RAPGEF1: variants seen among roughly 807,000 people sequenced by gnomAD.
RAPGEF1 encodes the protein Rap guanine nucleotide exchange factor 1, also known as CRK SH3-binding GNRP.
RAPGEF1 carries 33 observed loss-of-function variants against 143.3 expected under a neutral mutation model. That is an observed-to-expected ratio of 0.23 (90% CI 0.17 to 0.31). The LOEUF (loss-of-function observed/expected upper bound fraction) is 0.31, where lower values mean the gene tolerates loss of function less well. RAPGEF1 is among the 10% of genes least tolerant of loss of function. RAPGEF1 has a pLI of 1.00. For synonymous variants in RAPGEF1, 629 were observed against 676.5 expected (o/e 0.93, Z 1.09); for missense variants, 1,199 against 1,645.4 (o/e 0.73, Z 4.69).
intron 6 of RAPGEF1, 129 bp from the exon 7 acceptor site, chr9:131,629,383 C>T (rs913242589): frequency 3.0e-5 from 28 of 938,362 alleles, no homozygotes; most frequent in Admixed American, 1.9e-4. Context: ...GAGCAGGCTC[C>T]CTGGATATAG....
rs535585511 is a variant in RAPGEF1, at chr9:131,645,756, C to T, written c.316-2339G>A. 1.7e-3 allele frequency among the ~76,000 whole-genome samples: 261 copies of T among 152,316 alleles called. 1 individual carries two copies. Among genetic ancestry groups the T allele is most frequent in the African/African-American group, 5.9e-3 (246 of 41,574 alleles). On this transcript the variant is annotated intron_variant, in intron 3 of 26. Transcript: ENST00000683357. Reference sequence around the variant, plus strand: ...CATAACCCGAGGGCAGGTGCGTTCACCTGCGCACCCCTCCTGCTGTGGGGG... The same window carrying T: ...CATAACCCGAGGGCAGGTGCGTTCATCTGCGCACCCCTCCTGCTGTGGGGG...
Position 131,638,744 on chromosome 9 carries a change from T to A in RAPGEF1, c.542A>T (p.Asn181Ile). The change falls in exon 5 of 27, where the codon AAC becomes ATC. Residue 181 changes from asparagine (N) to isoleucine (I), a missense_variant. Physicochemically the swap from Asn to Ile is moderately radical, Grantham distance 149. This residue lies in a region of RAPGEF1 where 613 missense variants were observed against 710.9 expected (regional missense o/e 0.86). Coordinates refer to ENST00000683357, the MANE Select transcript of RAPGEF1 (RefSeq NM_001377935.1). ...CACTTGGTCAGACCAGCGAATGAGG[T>A]TGGCGAGGCTTTGGTACACTCGGCT... ...CYSRVYQSLA[N>I]LIRWSDQVML... 1 of 1,613,988 alleles carries A rather than the reference T, an allele frequency of 6.2e-7. No homozygotes were observed. Among genetic ancestry groups the A allele is most frequent in the Non-Finnish European group, 8.5e-7 (1 of 1,179,894 alleles).
chr9:131,738,826 T>G (rs1008179358), intron 1 of RAPGEF1, among the ~76,000 whole-genome samples: 1 of 152,136 alleles, frequency 6.6e-6, no homozygotes, highest in Non-Finnish European at 1.5e-5. Flanking sequence ...TATCCCAGAT[T>G]CAACCCAGGA....
chr9:131,589,835 G>T, intron 19 of RAPGEF1, 51 bp downstream of exon 19: 1 of 1,525,074 alleles, frequency 6.6e-7, no homozygotes, highest in Non-Finnish European at 9.1e-7. Flanking sequence ...AGGTGGAATG[G>T]AGCCTTTGCC....
At chr9:131,600,157 T>C (rs1322860599) in intron 15 of RAPGEF1, among the ~76,000 whole-genome samples, 1 of 152,026 alleles carries the variant, frequency 6.6e-6, no homozygotes, top group African/African-American at 2.4e-5. Flanking sequence ...AGAATATGGA[T>C]GGGTCAGAGT....
At chr9:131,705,080 T>C (rs1316324170) in intron 1 of RAPGEF1, among the ~76,000 whole-genome samples, 4 of 152,230 alleles carry the variant, frequency 2.6e-5, no homozygotes, top group African/African-American at 9.7e-5. Context: ...AGGCTAAGAA[T>C]GAACATTTCC....
chr9:131,658,716 C>T (rs550244097), intron 1 of RAPGEF1, among the ~76,000 whole-genome samples: 1 of 152,268 alleles, frequency 6.6e-6, no homozygotes, highest in South Asian at 2.1e-4. Context: ...CATGTCTCAA[C>T]AGAAAACCAA....
chr9:131,706,207 C>T (rs994973944), intron 1 of RAPGEF1, among the ~76,000 whole-genome samples: 6 of 152,122 alleles, frequency 3.9e-5, no homozygotes, highest in African/African-American at 9.7e-5. Flanking sequence ...ACCAAGATTT[C>T]ACAACCACGT....
chr9:131,704,218 G>A (rs1834880113), intron 1 of RAPGEF1, among the ~76,000 whole-genome samples: 3 of 151,020 alleles, frequency 2.0e-5, no homozygotes, highest in Admixed American at 1.3e-4. Context: ...GTGCATTCTG[G>A]ATCAATATTA....
At chr9:131,622,966 C>A (rs917291205) in intron 10 of RAPGEF1, among the ~76,000 whole-genome samples, 1 of 152,120 alleles carries the variant, frequency 6.6e-6, no homozygotes, top group Non-Finnish European at 1.5e-5. Flanking sequence ...TGGGGTTTTG[C>A]CATGTTGGTC....
intron 3 of RAPGEF1, among the ~76,000 whole-genome samples, chr9:131,648,640 A>C (rs1192768885): frequency 6.6e-6 from 1 of 152,226 alleles, no homozygotes; most frequent in Non-Finnish European, 1.5e-5. Context: ...GCACAGACCA[A>C]ATCTACTGTA....
intron 11 of RAPGEF1, among the ~76,000 whole-genome samples, chr9:131,620,544 G>A (rs1960572709): frequency 6.6e-6 from 1 of 152,174 alleles, no homozygotes; most frequent in Non-Finnish European, 1.5e-5. Context: ...GGGACGGGCA[G>A]GGCAGGTGAG....
At chr9:131,659,954 A>G (rs1485452343) in intron 1 of RAPGEF1, among the ~76,000 whole-genome samples, 2 of 151,990 alleles carry the variant, frequency 1.3e-5, no homozygotes, top group African/African-American at 2.4e-5. Context: ...GAGTAGCTGG[A>G]ACTACAGGCG....
At chr9:131,612,995 T>A (rs1008804435) in intron 12 of RAPGEF1, among the ~76,000 whole-genome samples, 5 of 152,024 alleles carry the variant, frequency 3.3e-5, no homozygotes, top group African/African-American at 1.2e-4. Context: ...GCCCATCCCC[T>A]CTCCTCAGGG....
At chr9:131,601,796 A>C (rs549100578) in intron 15 of RAPGEF1, among the ~76,000 whole-genome samples, 2 of 151,972 alleles carry the variant, frequency 1.3e-5, no homozygotes, top group Non-Finnish European at 2.9e-5. Context: ...AGTCCCAGCT[A>C]TCTGGGAGGC....
At chr9:131,626,965 C>T (rs1415150114) in intron 9 of RAPGEF1, among the ~76,000 whole-genome samples, 1 of 143,806 alleles carries the variant, frequency 7.0e-6, no homozygotes, top group Non-Finnish European at 1.5e-5. Context: ...GCTGGGCACG[C>T]TGGCCCACTT....
In RAPGEF1 at chr9:131,613,809, G is replaced by A. The variant is rs908919568; in HGVS notation, c.2061+5242C>T. ...CTGCCTCAAAGGGTATGAACTTGTA[G>A]ACTCTGCCCCTAAGGGTATGGACTG... On this transcript the variant is annotated intron_variant, in intron 12 of 26. Coordinates refer to ENST00000683357, the MANE Select transcript of RAPGEF1 (RefSeq NM_001377935.1). Among the ~76,000 whole-genome samples the A allele has an allele frequency of 7.9e-5, 12 of 152,294 alleles. 1 individual carries two copies. Among genetic ancestry groups the A allele is most frequent in the African/African-American group, 2.4e-4 (10 of 41,562 alleles).
In RAPGEF1 at chr9:131,680,567, C is replaced by T. The variant is rs1202648149; in HGVS notation, c.62-29618G>A. Among the ~76,000 whole-genome samples the T allele has an allele frequency of 5.3e-5, 8 of 152,228 alleles. No homozygotes were observed. The South Asian group carries it at 8.3e-4, about 16-fold the overall frequency. On this transcript the variant is annotated intron_variant, in intron 1 of 26. Transcript: ENST00000683357. ...AACCACTAAAGGCATTCTTAAGCCA[C>T]GAACAATAGCATGAGAGATCTGTGC...
chr9:131,672,616 A>G (rs1831589306), intron 1 of RAPGEF1, among the ~76,000 whole-genome samples: 1 of 152,220 alleles, frequency 6.6e-6, no homozygotes, highest in Non-Finnish European at 1.5e-5. Flanking sequence ...ATCTTGGGCC[A>G]AAGACGGGGA....
Sources: gnomAD v4.1 joint callset for allele counts (sites outside exome capture counted in the v4.1 genomes callset) on GRCh38, gnomAD v4.1.1 for gene constraint, gnomAD v4.1.1 regional missense constraint, MANE v1.5 for transcripts, NCBI Gene and HGNC (gene_info 2026-07-23, HGNC 2026-07-21) for gene names.